The following VCAN variants were observed in gnomAD, a reference collection of about 807,000 sequenced individuals.
The protein encoded by VCAN is versican core protein.
In VCAN, 44 loss-of-function variants were observed where a neutral mutation model predicts 245.5. That is an observed-to-expected ratio of 0.18 (90% confidence interval 0.14 to 0.23). The LOEUF (loss-of-function observed/expected upper bound fraction) is 0.23. VCAN is among the 10% of genes least tolerant of loss of function. VCAN has a pLI of 1.00. For missense variants in VCAN, 3,793 were observed against 4,057.9 expected (o/e 0.93, Z 1.77); for synonymous variants, 1,413 against 1,437.0 (o/e 0.98, Z 0.38).
chr5:83,486,542 A>G (rs1441297288), intron 2 of VCAN, among the ~76,000 whole-genome samples: 1 of 152,180 alleles, frequency 6.6e-6, no homozygotes, highest in Non-Finnish European at 1.5e-5. Flanking sequence ...GGAGAAAGGG[A>G]TATGAAAAGG....
In VCAN at chr5:83,538,453, T is replaced by A; in HGVS notation, c.5450T>A (p.Val1817Asp). 1 of 1,613,810 alleles carries A rather than the reference T, an allele frequency of 6.2e-7. No individual in the cohort carries two copies. The highest frequency in any genetic ancestry group is 1.7e-5 in the Admixed American group (1 of 59,962). Reference protein sequence around the residue: ...TEHSSIHQPGVQEGLTTLPRS... With the variant: ...TEHSSIHQPGDQEGLTTLPRS... ...CACAGCAGTATCCATCAACCTGGGG[T>A]TCAGGAAGGGCTGACCACTCTCCCA... is the stretch of plus-strand genomic sequence containing the variant. Residue 1817 changes from valine to aspartate, a missense_variant, in exon 8 of 15, where the codon GTT becomes GAT. Val to Asp is a radical substitution (Grantham distance 152). Around this residue, in one of 5 missense-constraint regions of VCAN, gnomAD observed 3,182 missense variants for 3,250.3 expected, o/e 0.98. Coordinates refer to ENST00000265077, the MANE Select transcript of VCAN (RefSeq NM_004385.5).
At chr5:83,511,981 G>A (rs577278506) in intron 5 of VCAN, 122 bp from the exon 6 acceptor site, 5 of 1,239,274 alleles carry the variant, frequency 4.0e-6, no homozygotes, top group South Asian at 4.0e-5. Flanking sequence ...AGTATCAGAA[G>A]CTGCTACCTT....
At chr5:83,516,263 T>G (rs1201374717) in intron 6 of VCAN, among the ~76,000 whole-genome samples, 1 of 151,900 alleles carries the variant, frequency 6.6e-6, no homozygotes, top group Admixed American at 6.6e-5. Context: ...CAGCCTGGAC[T>G]ACAGAGCAAG....
intron 12 of VCAN, among the ~76,000 whole-genome samples, chr5:83,555,503 T>C (rs898335688): frequency 1.3e-5 from 2 of 152,246 alleles, no homozygotes; most frequent in African/African-American, 4.8e-5. Context: ...ACTGTTGATA[T>C]GATCTTGTGA....
In VCAN at chr5:83,538,581, A is replaced by G. The variant is rs373509652; in HGVS notation, c.5578A>G (p.Ile1860Val). Residue 1860 changes from isoleucine to valine, a missense_variant, in exon 8 of 15, where the codon ATT becomes GTT. Ile to Val is a conservative substitution (Grantham distance 29). Transcript: ENST00000265077. ...SSFSLNVEYA[I>V]QAEKEVAGTL... ...ATTTTCATTAAACGTAGAGTATGCA[A>G]TTCAAGCCGAAAAGGAAGTAGCTGG... 9.3e-5 allele frequency: 150 copies of G among 1,613,890 alleles called. No homozygotes were observed. Among genetic ancestry groups the G allele is most frequent in the Non-Finnish European group, 1.2e-4 (145 of 1,179,956 alleles).
In VCAN at chr5:83,540,196, C is replaced by G. The variant is rs1182251501; in HGVS notation, c.7193C>G (p.Ser2398Cys). The change falls in exon 8 of 15, where the codon TCT (serine) becomes TGT (cysteine). Residue 2398 changes from serine to cysteine, a missense_variant. By Grantham distance (112) the Ser-to-Cys change is moderately radical. Around this residue, in one of 5 missense-constraint regions of VCAN, gnomAD observed 3,182 missense variants for 3,250.3 expected, o/e 0.98. Transcript: ENST00000265077. The stretch of plus-strand genomic sequence containing the variant: ...GAAATTAACGAAACAACAACCTCAT[C>G]TACTGATTTTCTGGCTAGAGCTTAT... ...TAEINETTTS[S>C]TDFLARAYGF... The G allele has an allele frequency of 6.2e-7, 1 of 1,614,044 alleles. No homozygotes were observed. The highest frequency in any genetic ancestry group is 1.3e-5 in the African/African-American group (1 of 75,030).
At chr5:83,524,917 T>A (rs1242089462) in intron 7 of VCAN, among the ~76,000 whole-genome samples, 24 of 152,224 alleles carry the variant, frequency 1.6e-4, no homozygotes, top group Admixed American at 1.6e-3. Flanking sequence ...CTTGTATAAA[T>A]CTATTCACAG....
At position 83,580,519 on chromosome 5, in the gene VCAN, T is replaced by A. The variant is rs1216517734; in HGVS notation, c.*85T>A. 1 of 1,578,648 alleles carries A rather than the reference T, an allele frequency of 6.3e-7. No homozygotes were observed. The highest frequency in any genetic ancestry group is 1.3e-5 in the African/African-American group (1 of 74,102). ...CTTTCCTATCACCTCGAGAAGTAAT[T>A]ATCAGTTGGTTTGGATTTTTGGACC... On this transcript the variant is annotated 3_prime_UTR_variant, in exon 15 of 15. Coordinates refer to ENST00000265077, the MANE Select transcript of VCAN (RefSeq NM_004385.5).
intron 12 of VCAN, among the ~76,000 whole-genome samples, chr5:83,571,175 A>G (rs1748274300): frequency 6.6e-6 from 1 of 151,710 alleles, no homozygotes; most frequent in South Asian, 2.1e-4. Context: ...GCGCTGAACA[A>G]ACAAACTTGT....
intron 5 of VCAN, among the ~76,000 whole-genome samples, chr5:83,499,214 C>T (rs1246940659): frequency 6.6e-6 from 1 of 151,988 alleles, no homozygotes; most frequent in Non-Finnish European, 1.5e-5. Flanking sequence ...GAGTTAGTTC[C>T]ATGTGATTTA....
chr5:83,507,958 C>G (rs1175762848), intron 5 of VCAN, among the ~76,000 whole-genome samples: 1 of 152,070 alleles, frequency 6.6e-6, no homozygotes, highest in Non-Finnish European at 1.5e-5. Flanking sequence ...AGACTTATTC[C>G]TGGAATTTAT....
In VCAN at chr5:83,493,579, G is replaced by A. The variant is rs1745053319; in HGVS notation, c.479G>A (p.Arg160Lys). The A allele has an allele frequency of 6.2e-7, 1 of 1,613,820 alleles. No homozygotes were observed. Among genetic ancestry groups the A allele is most frequent in the Non-Finnish European group, 8.5e-7 (1 of 1,180,026 alleles). Residue 160 changes from arginine (R) to lysine (K), a missense_variant, in exon 4 of 15, where the codon AGG becomes AAG. Physicochemically the swap from Arg to Lys is conservative, Grantham distance 26 (BLOSUM62 2). This residue lies in a region of VCAN where 190 missense variants were observed against 288.6 expected (regional missense o/e 0.66). Transcript: ENST00000265077. ...VVFHYRAATSRYTLNFEAAQK... is the reference protein window; with the variant it reads ...VVFHYRAATSKYTLNFEAAQK... ...TTTCACTACAGGGCGGCAACCAGCA[G>A]GTACACACTGAATTTTGAGGCTGCT...
intron 7 of VCAN, chr5:83,531,269 A>G (rs1438496180): frequency 1.3e-5 from 2 of 152,284 alleles, no homozygotes; most frequent in East Asian, 1.9e-4. Flanking sequence ...ATACACATGT[A>G]TAACCAGTAC....
chr5:83,538,883 A>G lies in VCAN; in HGVS notation c.5880A>G (p.Gly1960=). ...AAACGGTAATGATGGAAGGCTCTGG[A>G]GATGCAGCATTTAGGGACACCCAGA... The part of the protein sequence containing the change: ...KEETVMMEGS[G]DAAFRDTQTS... Residue 1960 remains glycine, a synonymous_variant, in exon 8 of 15, where the codon GGA becomes GGG. Transcript: ENST00000265077. The G allele has an allele frequency of 6.2e-7, 1 of 1,613,990 alleles. No individual in the cohort carries two copies. The highest frequency in any genetic ancestry group is 1.1e-5 in the South Asian group (1 of 91,084).
At chr5:83,566,054 C>A (rs1278970294) in intron 12 of VCAN, among the ~76,000 whole-genome samples, 1 of 47,670 alleles carries the variant, frequency 2.1e-5, no homozygotes. Flanking sequence ...ACCTCCGCCT[C>A]CCGGGTTAAG....
In VCAN at chr5:83,540,409, C is replaced by T. The variant is rs1746924102; in HGVS notation, c.7406C>T (p.Pro2469Leu). ...FVSDGSLEKH[P>L]EVPSAKAVTA... ...TCTGATGGGTCCCTGGAAAAACATC[C>T]TGAGGTGCCAAGCGCTAAAGCTGTT... The change falls in exon 8 of 15, where the codon CCT (proline) becomes CTT (leucine). Residue 2469 changes from proline to leucine, a missense_variant. Transcript: ENST00000265077. 6.2e-6 allele frequency: 10 copies of T among 1,613,882 alleles called. No individual in the cohort carries two copies. The highest frequency in any genetic ancestry group is 1.3e-5 in the African/African-American group (1 of 74,898).
At chr5:83,563,017 A>C (rs1354393870) in intron 12 of VCAN, among the ~76,000 whole-genome samples, 1 of 152,146 alleles carries the variant, frequency 6.6e-6, no homozygotes, top group Admixed American at 6.5e-5. Flanking sequence ...GCATATTGCC[A>C]CTTTAACAAC....
At chr5:83,514,106 A>G (rs1233135048) in intron 6 of VCAN, among the ~76,000 whole-genome samples, 5 of 152,230 alleles carry the variant, frequency 3.3e-5, no homozygotes, top group African/African-American at 1.2e-4. Flanking sequence ...ATAACAAGGT[A>G]CTTATGTTTA....
At chr5:83,500,820 T>G (rs1207411016) in intron 5 of VCAN, among the ~76,000 whole-genome samples, 1 of 152,116 alleles carries the variant, frequency 6.6e-6, no homozygotes, top group Non-Finnish European at 1.5e-5. Context: ...GCATTACAGA[T>G]TGGATTACAA....
Sources: gnomAD v4.1 joint callset for allele counts (sites outside exome capture counted in the v4.1 genomes callset) on GRCh38, gnomAD v4.1.1 for gene constraint, gnomAD v4.1.1 regional missense constraint, MANE v1.5 for transcripts, NCBI Gene and HGNC (gene_info 2026-07-23, HGNC 2026-07-21) for gene names.